The following FAM3D variants were observed in gnomAD, a reference collection of about 807,000 sequenced individuals.
FAM3D encodes protein FAM3D.
FAM3D carries 26 observed loss-of-function variants against 29.8 expected under a neutral mutation model. That is an observed-to-expected ratio of 0.87 (90% CI 0.64 to 1.21). The LOEUF is 1.21. Ranked by LOEUF, FAM3D falls within the 50% of genes most tolerant of loss-of-function variation. The pLI, the probability that FAM3D is intolerant of heterozygous loss-of-function variation, is 0.00. For missense variants in FAM3D, 253 were observed against 290.9 expected, an observed-to-expected ratio of 0.87 and a Z score of 0.95; for synonymous variants, 115 against 102.3, an observed-to-expected ratio of 1.12 and a Z score of -0.75.
intron 1 of FAM3D, among the ~76,000 whole-genome samples, chr3:58,663,216 A>T (rs2066965621): frequency 1.3e-5 from 2 of 152,198 alleles, no homozygotes; most frequent in Admixed American, 1.3e-4. Flanking sequence ...ACCACTTTTG[A>T]AGGACTTTCC....
Position 58,634,335 on chromosome 3 carries a change from C to A in FAM3D, c.619G>T (p.Glu207Ter), listed in dbSNP as rs1041162892. The change falls in exon 10 of 10, where the codon GAG becomes TAG. Residue 207 changes from glutamate (E) to a stop codon, truncating the protein, a stop_gained. Coordinates refer to ENST00000358781, the MANE Select transcript of FAM3D (RefSeq NM_138805.3). LOFTEE classifies it high-confidence loss of function. This position sits in a 1 kb window ranked among gnomAD's most constrained non-coding sequence, Gnocchi z 4.6. ...LKNSPDTNKY[E>*]GWPELLEMEG... The stretch of plus-strand genomic sequence containing the variant: ...ATCTCCAGCAGCTCTGGCCATCCCT[C>A]GTATTTGTTTGTGTCTGGGCTGTTC... 3 of 1,614,042 alleles carry A rather than the reference C, an allele frequency of 1.9e-6. No homozygotes were observed. The highest frequency in any genetic ancestry group is 8.5e-7 in the Non-Finnish European group (1 of 1,180,006).
chr3:58,636,463 C>T (rs376158859), intron 8 of FAM3D, 43 bp from the exon 9 acceptor site: 28 of 1,606,864 alleles, frequency 1.7e-5, no homozygotes, highest in East Asian at 4.5e-5. Flanking sequence ...GGGGGTGGGT[C>T]GCAGGGGCAT....
intron 6 of FAM3D, among the ~76,000 whole-genome samples, chr3:58,640,866 C>T (rs1001258635): frequency 1.3e-5 from 2 of 152,246 alleles, no homozygotes; most frequent in African/African-American, 2.4e-5. Context: ...GGGACCAGGC[C>T]TAGGCTGTCC....
intron 1 of FAM3D, 90 bp downstream of exon 1, chr3:58,666,486 C>T (rs1171588832): frequency 6.6e-6 from 1 of 152,272 alleles, no homozygotes; most frequent in Non-Finnish European, 1.5e-5. Context: ...CTCTTTCACT[C>T]CTATTTCCCA....
Position 58,653,914 on chromosome 3 carries a change from A to T in FAM3D, c.14-133T>A, listed in dbSNP as rs188953785. 92 of 718,178 alleles carry T rather than the reference A, an allele frequency of 1.3e-4. No individual in the cohort carries two copies. The East Asian group carries it at 1.6e-3, about 12-fold the overall frequency. The allele number at this position is 718,178 out of a possible 1,614,324, so 44.5% of individuals were successfully genotyped here. ...CCACATCCATGCTGGGGACCAGACC[A>T]TGGGACCATGTGGTAAGATGTGTGA... On this transcript the variant is annotated intron_variant, in intron 2 of 9. Transcript: ENST00000358781.
chr3:58,649,281 G>T (rs199650049), intron 4 of FAM3D, 34 bp downstream of exon 4: 9 of 1,609,982 alleles, frequency 5.6e-6, no homozygotes, highest in Non-Finnish European at 7.6e-6. Flanking sequence ...AGTGGATGAG[G>T]TCGGGGGAGG....
chr3:58,643,746 A>T, intron 5 of FAM3D, 26 bp from the exon 6 acceptor site: 1 of 1,612,246 alleles, frequency 6.2e-7, no homozygotes, highest in Non-Finnish European at 8.5e-7. Context: ...AAGAAATATG[A>T]CAGTCGGTCC....
At chr3:58,636,171 G>T in intron 9 of FAM3D, 123 bp downstream of exon 9, 1 of 1,435,274 alleles carries the variant, frequency 7.0e-7, no homozygotes, top group African/African-American at 1.4e-5. Context: ...GACAGCCAGG[G>T]GCCTCTCCCC....
chr3:58,652,978 G>T (rs116166311), intron 3 of FAM3D, among the ~76,000 whole-genome samples: 1 of 138,786 alleles, frequency 7.2e-6, no homozygotes, highest in African/African-American at 2.7e-5. Context: ...CCATCCATCC[G>T]TTTTTTTTTT....
rs1033755799 is a variant in FAM3D, at chr3:58,635,480, T to C, written c.585+814A>G. ...TGGATGAAGATGATGCTGGGCTTCC[T>C]GTACTCCCACGCCTCCTCTGTCTTG... is the stretch of plus-strand genomic sequence containing the variant. On this transcript the variant is annotated intron_variant, in intron 9 of 9. Coordinates refer to ENST00000358781, the MANE Select transcript of FAM3D (RefSeq NM_138805.3). The surrounding 1 kb of genome is among the most constrained non-coding windows in gnomAD (Gnocchi z 5.2). Among the ~76,000 whole-genome samples the C allele has an allele frequency of 1.3e-5, 2 of 152,184 alleles. No individual in the cohort carries two copies. The highest frequency in any genetic ancestry group is 1.5e-5 in the Non-Finnish European group (1 of 68,028).
At position 58,634,277 on chromosome 3, in the gene FAM3D, C is replaced by A. The variant is rs2066097353; in HGVS notation, c.*2G>T. ...CCTGGCTGAGGAAGAGCCACAGCCA[C>A]CCTAAAATGGCTTCGGGGGCATGCA... On this transcript the variant is annotated 3_prime_UTR_variant, in exon 10 of 10. Coordinates refer to ENST00000358781, the MANE Select transcript of FAM3D (RefSeq NM_138805.3). This position sits in a 1 kb window ranked among gnomAD's most constrained non-coding sequence, Gnocchi z 4.6. 2 of 1,613,612 alleles carry A rather than the reference C, an allele frequency of 1.2e-6. No homozygotes were observed. Among genetic ancestry groups the A allele is most frequent in the South Asian group, 1.1e-5 (1 of 91,044 alleles).
chr3:58,661,454 G>A (rs1447897423), intron 1 of FAM3D, among the ~76,000 whole-genome samples: 1 of 152,188 alleles, frequency 6.6e-6, no homozygotes, highest in Non-Finnish European at 1.5e-5. Flanking sequence ...TAGGTTTTAG[G>A]GAGACTTTCC....
intron 2 of FAM3D, 131 bp from the exon 3 acceptor site, chr3:58,653,912 C>T (rs748422013): frequency 1.4e-6 from 1 of 718,852 alleles, no homozygotes; most frequent in Non-Finnish European, 2.5e-6. Context: ...GGGGACCAGA[C>T]CATGGGACCA....
chr3:58,644,076 C>G (rs929792940), intron 5 of FAM3D, among the ~76,000 whole-genome samples: 1 of 152,178 alleles, frequency 6.6e-6, no homozygotes, highest in Non-Finnish European at 1.5e-5. Context: ...TCTGAGTCCC[C>G]ATGTGGCCCA....
chr3:58,647,005 C>T (rs1432155277), intron 4 of FAM3D, among the ~76,000 whole-genome samples: 2 of 152,140 alleles, frequency 1.3e-5, no homozygotes, highest in African/African-American at 2.4e-5. Context: ...CCACTGGTGC[C>T]AGGCTTGGTG....
At chr3:58,665,656 GTA>G (rs1232208110) in intron 1 of FAM3D, among the ~76,000 whole-genome samples, 2 of 152,190 alleles carry the variant, frequency 1.3e-5, no homozygotes, top group Non-Finnish European at 2.9e-5. Context: ...CCACTGCAGT[GTA>G]GAGTCAGTGT....
intron 6 of FAM3D, among the ~76,000 whole-genome samples, chr3:58,641,785 T>C (rs2066341313): frequency 6.6e-6 from 1 of 152,200 alleles, no homozygotes; most frequent in South Asian, 2.1e-4. Context: ...CAATAAATGC[T>C]AGTTCTTATT....
At chr3:58,666,027 A>C (rs2067023776) in intron 1 of FAM3D, among the ~76,000 whole-genome samples, 1 of 152,232 alleles carries the variant, frequency 6.6e-6, no homozygotes, top group Non-Finnish European at 1.5e-5. Flanking sequence ...CCTTTGTCAT[A>C]ACTTTTCAGA....
At position 58,634,470 on chromosome 3, in the gene FAM3D, T is replaced by A; in HGVS notation, c.586-102A>T. ...TCTAAACCTAAATGGGGGTGTGGGA[T>A]GTTATTAACCCACTTCACAGATGGG... On this transcript the variant is annotated intron_variant, in intron 9 of 9. Transcript: ENST00000358781. The surrounding 1 kb of genome is among the most constrained non-coding windows in gnomAD (Gnocchi z 4.6). The A allele has an allele frequency of 9.8e-7, 1 of 1,018,652 alleles. No individual in the cohort carries two copies. Among genetic ancestry groups the A allele is most frequent in the South Asian group, 1.5e-5 (1 of 67,330 alleles). The allele number at this position is 1,018,652 out of a possible 1,614,324, so 63.1% of individuals were successfully genotyped here.
Sources: gnomAD v4.1 joint callset for allele counts (sites outside exome capture counted in the v4.1 genomes callset) on GRCh38, gnomAD v4.1.1 for gene constraint, Gnocchi (gnomAD v3.1) non-coding constraint, MANE v1.5 for transcripts, NCBI Gene and HGNC (gene_info 2026-07-23, HGNC 2026-07-21) for gene names.